The following CLDN10 variants were observed in gnomAD, a reference collection of about 807,000 sequenced individuals.
CLDN10 encodes the protein claudin-10.
In CLDN10, 15 loss-of-function variants were observed where a neutral mutation model predicts 22.9. The ratio of observed to expected loss-of-function variants is 0.65; its 90% CI spans 0.44 to 1.01. The LOEUF (loss-of-function observed/expected upper bound fraction) is 1.01, where lower values mean the gene tolerates loss of function less well. Among genes scored for constraint, CLDN10 ranks in the 50% least tolerant of loss-of-function variants. The pLI is 0.00. For missense variants in CLDN10, 247 were observed against 287.8 expected, an observed-to-expected ratio of 0.86 and a Z score of 1.03; for synonymous variants, 114 against 111.4, an observed-to-expected ratio of 1.02 and a Z score of -0.15.
chr13:95,491,406 T>G (rs1209873455), intron 1 of CLDN10, among the ~76,000 whole-genome samples: 1 of 152,048 alleles, frequency 6.6e-6, no homozygotes, highest in African/African-American at 2.4e-5. Flanking sequence ...TTTGAAGACC[T>G]TGTCTTCAAG....
chr13:95,520,519 G>A (rs1185759815), intron 1 of CLDN10, among the ~76,000 whole-genome samples: 1 of 152,192 alleles, frequency 6.6e-6, no homozygotes, highest in East Asian at 1.9e-4. Context: ...GATTACAGGT[G>A]CCGGCTTCCA....
intron 1 of CLDN10, among the ~76,000 whole-genome samples, chr13:95,465,849 G>A (rs1450139724): frequency 6.6e-6 from 1 of 152,184 alleles, no homozygotes; most frequent in Non-Finnish European, 1.5e-5. Flanking sequence ...TAGAATAGGT[G>A]CTGTTTATCT....
chr13:95,531,762 C>G (rs1457327138), intron 1 of CLDN10, among the ~76,000 whole-genome samples: 1 of 150,802 alleles, frequency 6.6e-6, no homozygotes, highest in Non-Finnish European at 1.5e-5. Flanking sequence ...AGGCTGCTCT[C>G]GAACTCCTGA....
At chr13:95,454,482 G>C (rs1403889702) in intron 1 of CLDN10, among the ~76,000 whole-genome samples, 1 of 151,990 alleles carries the variant, frequency 6.6e-6, no homozygotes, top group Non-Finnish European at 1.5e-5. Context: ...AGGAAAGGAA[G>C]GAAAAGCAAG....
chr13:95,513,564 C>T (rs2043128335), intron 1 of CLDN10, among the ~76,000 whole-genome samples: 1 of 122,384 alleles, frequency 8.2e-6, no homozygotes, highest in South Asian at 2.9e-4. Context: ...GTGTTAAAAG[C>T]AGTAAAATAG....
chr13:95,462,939 A>T (rs916143822), intron 1 of CLDN10, among the ~76,000 whole-genome samples: 1 of 152,136 alleles, frequency 6.6e-6, no homozygotes, highest in African/African-American at 2.4e-5. Context: ...CAAAAGAGTA[A>T]TGCCTAATTT....
intron 1 of CLDN10, among the ~76,000 whole-genome samples, chr13:95,451,388 C>T (rs1249481630): frequency 2.0e-5 from 3 of 152,190 alleles, no homozygotes; most frequent in Non-Finnish European, 4.4e-5. Context: ...AATCTTCTAG[C>T]TAGAAGGGAC....
intron 1 of CLDN10, among the ~76,000 whole-genome samples, chr13:95,444,313 G>T (rs1435688284): frequency 6.6e-6 from 1 of 152,198 alleles, no homozygotes; most frequent in Non-Finnish European, 1.5e-5. Context: ...TGGGATAATT[G>T]GCTTGAATTG....
chr13:95,513,768 C>T (rs4344600), intron 1 of CLDN10, among the ~76,000 whole-genome samples: 131,902 of 152,212 alleles, frequency 0.87, 57,325 homozygotes, highest in East Asian at 0.96. Flanking sequence ...GGAATTTTCA[C>T]TGTAATCTCT....
chr13:95,520,273 T>C (rs550107991), intron 1 of CLDN10, among the ~76,000 whole-genome samples: 1 of 152,350 alleles, frequency 6.6e-6, no homozygotes, highest in East Asian at 1.9e-4. Flanking sequence ...TACATATACA[T>C]TTGATATGAT....
rs2043586062 is a variant in CLDN10 at position 95,552,969 on chromosome 13, G to A, written c.216G>A (p.Leu72=). The change falls in exon 1 of 5, where the codon CTG becomes CTA. Residue 72 remains leucine (L), a synonymous_variant. Transcript: ENST00000299339. ...NCKDFPSMLA[L]DGYIQACRGL... is the part of the protein sequence containing the mutation. ...AGGACTTCCCCTCCATGCTGGCGCT[G>A]GACGGTCTGCATCCCCGCGGCCCCC... 6.2e-7 allele frequency: 1 copy of A among 1,613,690 alleles called. No homozygotes were observed.
At chr13:95,468,861 T>C (rs9584310) in intron 1 of CLDN10, among the ~76,000 whole-genome samples, 51,409 of 151,834 alleles carry the variant, frequency 0.34, 9,162 homozygotes, top group Non-Finnish European at 0.39. Flanking sequence ...CATGTGTTCT[T>C]ATTAATATTT....
At chr13:95,451,379 ATCT>A (rs1370870934) in intron 1 of CLDN10, among the ~76,000 whole-genome samples, 1 of 152,120 alleles carries the variant, frequency 6.6e-6, no homozygotes, top group East Asian at 1.9e-4. Flanking sequence ...AGCCTTTTTA[ATCT>A]TCTAGCTAGA....
intron 1 of CLDN10, among the ~76,000 whole-genome samples, chr13:95,553,679 G>C (rs887640833): frequency 3.9e-5 from 6 of 152,228 alleles, no homozygotes; most frequent in African/African-American, 1.4e-4. Flanking sequence ...TGAGAGCGTG[G>C]CGCCGGGAGC....
intron 1 of CLDN10, among the ~76,000 whole-genome samples, chr13:95,555,764 TC>T (rs1307126944): frequency 6.6e-6 from 1 of 152,152 alleles, no homozygotes; most frequent in Non-Finnish European, 1.5e-5. Context: ...GGGAGTTGAT[TC>T]CCCCACCTGC....
rs568380576 is a variant in CLDN10 at position 95,492,716 on chromosome 13, T to G, written c.214+58669T>G. 6.5e-4 allele frequency among the ~76,000 whole-genome samples: 99 copies of G among 152,138 alleles called. 1 individual carries two copies. The highest frequency in any genetic ancestry group is 1.3e-3 in the Non-Finnish European group (89 of 68,034). ...TGCCCCTTTCAAATTGTTATAAAGT[T>G]CAGCTAGAGAATTCCTTCTCCCTAT... On this transcript the variant is annotated intron_variant, in intron 1 of 4. Coordinates refer to the CLDN10 transcript ENST00000376873.
At chr13:95,532,969 G>A (rs901726021) in intron 1 of CLDN10, among the ~76,000 whole-genome samples, 1 of 151,846 alleles carries the variant, frequency 6.6e-6, no homozygotes, top group Non-Finnish European at 1.5e-5. Flanking sequence ...CAAGAAAAAC[G>A]GGGGGAGTGG....
intron 1 of CLDN10, among the ~76,000 whole-genome samples, chr13:95,457,692 T>C (rs2042496256): frequency 6.6e-6 from 1 of 151,962 alleles, no homozygotes; most frequent in South Asian, 2.1e-4. Flanking sequence ...ATATGAATGG[T>C]TTTCAAATAA....
At chr13:95,524,709 G>A (rs548195738) in intron 1 of CLDN10, among the ~76,000 whole-genome samples, 1 of 152,218 alleles carries the variant, frequency 6.6e-6, no homozygotes, top group African/African-American at 2.4e-5. Context: ...AGTAATTCTA[G>A]GTTTAACTTT....
Sources: gnomAD v4.1 joint callset for allele counts (sites outside exome capture counted in the v4.1 genomes callset) on GRCh38, gnomAD v4.1.1 for gene constraint, MANE v1.5 for transcripts, NCBI Gene and HGNC (gene_info 2026-07-23, HGNC 2026-07-21) for gene names.